Variants in NTM observed in about 807,000 individuals in gnomAD.
NTM encodes neurotrimin.
Under a neutral mutation model 42.1 loss-of-function variants are expected in NTM, and 13 were observed. The observed-to-expected ratio is 0.31, with a 90% CI of 0.20 to 0.49. The LOEUF is 0.49. NTM is among the 20% of genes least tolerant of loss of function. The pLI, the probability that NTM is intolerant of heterozygous loss-of-function variation, is 0.99. For missense variants in NTM, 373 were observed against 452.8 expected, an observed-to-expected ratio of 0.82 and a Z score of 1.60; for synonymous variants, 187 against 179.2, an observed-to-expected ratio of 1.04 and a Z score of -0.35.
At chr11:132,309,211 C>T (rs1321127315) in intron 5 of NTM, among the ~76,000 whole-genome samples, 1 of 152,124 alleles carries the variant, frequency 6.6e-6, no homozygotes, top group Admixed American at 6.5e-5. Context: ...TCATAATACC[C>T]TTTAATATAA....
At chr11:131,814,060 A>G (rs1003021865) in intron 1 of NTM, among the ~76,000 whole-genome samples, 1 of 152,136 alleles carries the variant, frequency 6.6e-6, no homozygotes, top group African/African-American at 2.4e-5. Context: ...TGAAGCATTG[A>G]CTGAACCACA....
intron 4 of NTM, among the ~76,000 whole-genome samples, chr11:132,269,991 C>T (rs930568759): frequency 1.6e-4 from 24 of 152,174 alleles, no homozygotes; most frequent in African/African-American, 4.8e-4. Context: ...ACCTCTCCAT[C>T]GAGCGAGAAC....
At chr11:132,242,879 A>T (rs1410467209) in intron 4 of NTM, among the ~76,000 whole-genome samples, 1 of 152,174 alleles carries the variant, frequency 6.6e-6, no homozygotes, top group African/African-American at 2.4e-5. Context: ...AGCTTCCATG[A>T]TGTGCTTTGC....
At chr11:131,897,329 A>G (rs2052465685) in intron 1 of NTM, among the ~76,000 whole-genome samples, 1 of 152,238 alleles carries the variant, frequency 6.6e-6, no homozygotes, top group Admixed American at 6.5e-5. Context: ...GAGACTGGCA[A>G]GAAGGAAAAA....
intron 2 of NTM, among the ~76,000 whole-genome samples, chr11:132,056,675 T>G (rs749581104): frequency 2.6e-5 from 4 of 152,218 alleles, no homozygotes; most frequent in Non-Finnish European, 5.9e-5. Flanking sequence ...CTTCTGTCTT[T>G]TCTTGCTCTT....
intron 2 of NTM, among the ~76,000 whole-genome samples, chr11:132,112,077 T>TCTTCATTCAG (rs1235310667): frequency 2.0e-4 from 30 of 152,348 alleles, no homozygotes; most frequent in Middle Eastern, 6.8e-3. Context: ...TTGTCCTGAA[T>TCTTCATTCAG]GAAGGCCAAG....
intron 1 of NTM, among the ~76,000 whole-genome samples, chr11:131,496,112 C>T (rs1955313425): frequency 6.6e-6 from 1 of 152,262 alleles, no homozygotes; most frequent in South Asian, 2.1e-4. Context: ...ACAGATCTCT[C>T]TCTTCCCACA....
rs924775423 is a variant in NTM at position 132,330,269 on chromosome 11, C to G, written c.967+84C>G. ...CACCTTCCTCCCAGATGCCTTCTTT[C>G]CTGAGCTAACTCCAGGAAGCAGCGC... On this transcript the variant is annotated intron_variant, in intron 8 of 8. Coordinates refer to ENST00000683400, the MANE Select transcript of NTM (RefSeq NM_001352005.2). The G allele has an allele frequency of 1.3e-5, 19 of 1,463,326 alleles. No individual in the cohort carries two copies. In the African/African-American group the frequency reaches 2.4e-4, roughly 19 times the overall value. 90.6% of individuals were successfully genotyped at this position (1,463,326 alleles called of 1,614,324 possible).
intron 1 of NTM, among the ~76,000 whole-genome samples, chr11:131,488,449 A>G (rs909255598): frequency 6.6e-6 from 1 of 152,146 alleles, no homozygotes; most frequent in African/African-American, 2.4e-5. Flanking sequence ...TGGCTTCCAG[A>G]AGGGCAAAAG....
At chr11:131,495,133 AG>A (rs1253547274) in intron 1 of NTM, among the ~76,000 whole-genome samples, 1 of 152,154 alleles carries the variant, frequency 6.6e-6, no homozygotes, top group Non-Finnish European at 1.5e-5. Flanking sequence ...GCAGACTCTG[AG>A]CTTTTGGGTC....
At chr11:131,826,654 G>A (rs10894457) in intron 1 of NTM, among the ~76,000 whole-genome samples, 85,253 of 151,128 alleles carry the variant, frequency 0.56, 25,941 homozygotes, top group East Asian at 0.87. Context: ...CCAGGAGTGG[G>A]AGGGCTGGGC....
intron 4 of NTM, among the ~76,000 whole-genome samples, chr11:132,297,416 C>T (rs763295944): frequency 6.6e-5 from 10 of 152,150 alleles, no homozygotes; most frequent in Non-Finnish European, 7.3e-5. Flanking sequence ...TTCCCTCCTC[C>T]TTCTATGTGC....
At chr11:132,113,803 C>T (rs1257299464) in intron 2 of NTM, among the ~76,000 whole-genome samples, 1 of 152,200 alleles carries the variant, frequency 6.6e-6, no homozygotes, top group Admixed American at 6.5e-5. Context: ...CTAAGGCTCA[C>T]TTTCCAAGCC....
intron 4 of NTM, among the ~76,000 whole-genome samples, chr11:132,236,342 C>T (rs947652156): frequency 6.6e-6 from 1 of 152,066 alleles, no homozygotes; most frequent in East Asian, 1.9e-4. Context: ...TAGCTCATAT[C>T]GTATCTATAG....
intron 2 of NTM, among the ~76,000 whole-genome samples, chr11:132,126,270 G>A (rs949857183): frequency 1.3e-5 from 2 of 152,172 alleles, no homozygotes; most frequent in Admixed American, 6.5e-5. Flanking sequence ...CCCAGCTGTG[G>A]TGAGTTACTT....
intron 1 of NTM, among the ~76,000 whole-genome samples, chr11:131,900,458 T>C (rs1461740213): frequency 6.6e-6 from 1 of 152,246 alleles, no homozygotes; most frequent in Non-Finnish European, 1.5e-5. Flanking sequence ...AATCTTCCTT[T>C]CAATGTGGAG....
At chr11:131,756,872 G>A (rs928726896) in intron 1 of NTM, among the ~76,000 whole-genome samples, 1 of 152,156 alleles carries the variant, frequency 6.6e-6, no homozygotes, top group Admixed American at 6.5e-5. Context: ...AAAAGGAAAC[G>A]CTTCTTTGTC....
At chr11:131,767,428 C>T (rs117924999) in intron 1 of NTM, among the ~76,000 whole-genome samples, 159 of 152,226 alleles carry the variant, frequency 1.0e-3, no homozygotes, top group Non-Finnish European at 1.8e-3. Context: ...ATGCTGTGGA[C>T]TACATATTTG....
intron 3 of NTM, chr11:132,211,612 C>T (rs1438732339): frequency 6.2e-6 from 1 of 162,404 alleles, no homozygotes; most frequent in Non-Finnish European, 1.3e-5. Context: ...ACCAGGTGGC[C>T]ATGGGGAGCC....
Sources: allele counts gnomAD v4.1 joint callset (sites outside exome capture counted in the v4.1 genomes callset), GRCh38; gene constraint gnomAD v4.1.1; transcripts MANE v1.5; gene names NCBI Gene and HGNC (gene_info 2026-07-23, HGNC 2026-07-21).